ZNF804A: variants seen among roughly 807,000 people sequenced by gnomAD.
The protein encoded by ZNF804A is zinc finger protein 804A.
ZNF804A carries 2 observed loss-of-function variants against 16.5 expected under a neutral mutation model. The observed-to-expected ratio is 0.12, with a 90% CI of 0.05 to 0.38. ZNF804A has a LOEUF of 0.38. ZNF804A is among the 10% of genes least tolerant of loss of function. ZNF804A has a pLI of 0.99. For missense variants in ZNF804A, 1,473 were observed against 1,390.7 expected, an observed-to-expected ratio of 1.06 and a Z score of -0.94; for synonymous variants, 534 against 489.6, an observed-to-expected ratio of 1.09 and a Z score of -1.20.
At chr2:184,678,488 A>G (rs1252578324) in intron 1 of ZNF804A, among the ~76,000 whole-genome samples, 1 of 152,094 alleles carries the variant, frequency 6.6e-6, no homozygotes, top group South Asian at 2.1e-4. Flanking sequence ...CAACTTTGCA[A>G]TATTTAAATG....
At chr2:184,911,805 T>TA in intron 2 of ZNF804A, among the ~76,000 whole-genome samples, 1 of 152,104 alleles carries the variant, frequency 6.6e-6, no homozygotes, top group Middle Eastern at 3.4e-3. Context: ...GTGAATAAAT[T>TA]AAAAAACAAA....
At chr2:184,627,684 G>A (rs1475549229) in intron 1 of ZNF804A, among the ~76,000 whole-genome samples, 2 of 152,104 alleles carry the variant, frequency 1.3e-5, no homozygotes, top group African/African-American at 4.8e-5. Context: ...AATTTATCTT[G>A]AGCATTGTGA....
chr2:184,723,822 G>A (rs1206114177), intron 1 of ZNF804A, among the ~76,000 whole-genome samples: 6 of 151,452 alleles, frequency 4.0e-5, no homozygotes, highest in Admixed American at 1.3e-4. Flanking sequence ...TAGGTATTTG[G>A]GGATTTCTAT....
At chr2:184,823,957 T>C (rs1695122937) in intron 1 of ZNF804A, among the ~76,000 whole-genome samples, 1 of 152,186 alleles carries the variant, frequency 6.6e-6, no homozygotes, top group Admixed American at 6.6e-5. Flanking sequence ...ACAGGTAAGC[T>C]TTACAAGCAA....
At chr2:184,643,697 G>A (rs1315838486) in intron 1 of ZNF804A, among the ~76,000 whole-genome samples, 2 of 151,218 alleles carry the variant, frequency 1.3e-5, no homozygotes, top group Admixed American at 6.6e-5. Context: ...TGCAATTTTT[G>A]TACATGTAAA....
chr2:184,902,825 T>C (rs1685208684), intron 2 of ZNF804A, among the ~76,000 whole-genome samples: 1 of 152,208 alleles, frequency 6.6e-6, no homozygotes, highest in Non-Finnish European at 1.5e-5. Flanking sequence ...TGAAATTCAC[T>C]TGACATAATT....
chr2:184,827,315 G>C lies in ZNF804A; in HGVS notation c.112-39054G>C, dbSNP rs1284281302. On this transcript the variant is annotated intron_variant, in intron 1 of 3. Coordinates refer to ENST00000302277, the MANE Select transcript of ZNF804A (RefSeq NM_194250.2). ...ATCCAGTTATATTTTTATATAGAAA[G>C]TAGGCCCCCACACACTCACTTCAAA... Among the ~76,000 whole-genome samples the C allele has an allele frequency of 4.7e-5, 7 of 150,322 alleles. No homozygotes were observed. The South Asian group carries it at 6.3e-4, about 13-fold the overall frequency.
intron 1 of ZNF804A, among the ~76,000 whole-genome samples, chr2:184,852,360 G>A (rs984147578): frequency 6.6e-6 from 1 of 151,252 alleles, no homozygotes; most frequent in East Asian, 1.9e-4. Flanking sequence ...GGATAAAAGG[G>A]GGCTACTGTA....
chr2:184,930,491 T>C (rs1685680273), intron 2 of ZNF804A, among the ~76,000 whole-genome samples: 2 of 152,194 alleles, frequency 1.3e-5, no homozygotes, highest in Non-Finnish European at 2.9e-5. Flanking sequence ...TTCAAAAATA[T>C]ATAGATATAT....
intron 2 of ZNF804A, among the ~76,000 whole-genome samples, chr2:184,889,584 T>C (rs1684949440): frequency 6.6e-6 from 1 of 151,886 alleles, no homozygotes; most frequent in Non-Finnish European, 1.5e-5. Context: ...AAAGCTGTAG[T>C]ATATTAAAAA....
chr2:184,804,934 G>T (rs1264225790), intron 1 of ZNF804A, among the ~76,000 whole-genome samples: 1 of 152,102 alleles, frequency 6.6e-6, no homozygotes, highest in Non-Finnish European at 1.5e-5. Flanking sequence ...TCACTTGGAG[G>T]TCTTGTTAAA....
chr2:184,633,452 C>A (rs1175409120), intron 1 of ZNF804A, among the ~76,000 whole-genome samples: 1 of 152,112 alleles, frequency 6.6e-6, no homozygotes, highest in Non-Finnish European at 1.5e-5. Context: ...TACACTTACC[C>A]AGTTTTCTAC....
chr2:184,794,552 A>G (rs1054029469), intron 1 of ZNF804A, among the ~76,000 whole-genome samples: 2 of 152,040 alleles, frequency 1.3e-5, no homozygotes, highest in Non-Finnish European at 2.9e-5. Context: ...TTTGCCTTAA[A>G]TCTCATAGTA....
chr2:184,888,921 A>G (rs1316285878), intron 2 of ZNF804A, among the ~76,000 whole-genome samples: 1 of 152,082 alleles, frequency 6.6e-6, no homozygotes, highest in East Asian at 1.9e-4. Flanking sequence ...CTTTTTATAA[A>G]AAGTGTTTGT....
chr2:184,648,827 C>T (rs1174197640), intron 1 of ZNF804A, among the ~76,000 whole-genome samples: 5 of 152,066 alleles, frequency 3.3e-5, no homozygotes, highest in African/African-American at 4.8e-5. Flanking sequence ...CACAGCTACA[C>T]AAGAATAATG....
intron 1 of ZNF804A, among the ~76,000 whole-genome samples, chr2:184,767,300 A>G (rs1694143094): frequency 6.6e-6 from 1 of 152,174 alleles, no homozygotes; most frequent in South Asian, 2.1e-4. Context: ...ACATTCTACA[A>G]AATGGATCAA....
chr2:184,661,846 A>G (rs1692180568), intron 1 of ZNF804A, among the ~76,000 whole-genome samples: 2 of 152,322 alleles, frequency 1.3e-5, no homozygotes, highest in South Asian at 4.1e-4. Flanking sequence ...TTAACATGTT[A>G]TTTGAAACTG....
intron 2 of ZNF804A, among the ~76,000 whole-genome samples, chr2:184,917,064 C>G (rs1685460081): frequency 6.6e-6 from 1 of 152,050 alleles, no homozygotes; most frequent in Non-Finnish European, 1.5e-5. Flanking sequence ...TCGATATTAT[C>G]TAAAAAATAT....
intron 1 of ZNF804A, among the ~76,000 whole-genome samples, chr2:184,701,681 T>G (rs965617985): frequency 1.3e-5 from 2 of 151,968 alleles, no homozygotes. Flanking sequence ...GTTCTTTTTT[T>G]TCTCCAGGTT....
Sources: allele counts gnomAD v4.1 joint callset (sites outside exome capture counted in the v4.1 genomes callset), GRCh38; gene constraint gnomAD v4.1.1; transcripts MANE v1.5; gene names NCBI Gene and HGNC (gene_info 2026-07-23, HGNC 2026-07-21).